SLC71A2: variants seen among roughly 807,000 people sequenced by gnomAD.
SLC71A2 encodes the protein solute carrier family 71 member 2.
the SLC71A2 span, among the ~76,000 whole-genome samples, chr9:94,382,779 C>T: frequency 1.3e-5 from 2 of 152,014 alleles, no homozygotes; most frequent in Non-Finnish European, 2.9e-5. Flanking sequence ...CGGGTTCCAG[C>T]GATTCTCCTG....
the SLC71A2 span, among the ~76,000 whole-genome samples, chr9:94,383,988 T>A: frequency 2.6e-5 from 4 of 152,252 alleles, no homozygotes; most frequent in African/African-American, 9.6e-5. Flanking sequence ...TTTTAAAAAA[T>A]TGTTTAATTG....
the SLC71A2 span, among the ~76,000 whole-genome samples, chr9:94,379,141 C>G: frequency 5.4e-5 from 8 of 147,954 alleles, no homozygotes; most frequent in East Asian, 8.0e-4. Context: ...GGCTGGAGTG[C>G]AATGGTGTGA....
the SLC71A2 span, among the ~76,000 whole-genome samples, chr9:94,421,629 C>T: frequency 6.6e-6 from 1 of 152,088 alleles, no homozygotes; most frequent in African/African-American, 2.4e-5. Context: ...CTTTCATGTT[C>T]CCAAGAGGAC....
the SLC71A2 span, among the ~76,000 whole-genome samples, chr9:94,420,279 G>A: frequency 6.6e-6 from 1 of 152,138 alleles, no homozygotes; most frequent in Non-Finnish European, 1.5e-5. Flanking sequence ...CCATTAACTT[G>A]ACAACACTCC....
At chr9:94,433,502 G>T in the SLC71A2 span, among the ~76,000 whole-genome samples, 1 of 151,144 alleles carries the variant, frequency 6.6e-6, no homozygotes, top group Non-Finnish European at 1.5e-5. Context: ...GAGAAACCCT[G>T]TCTTTACTAA....
chr9:94,392,706 G>A, the SLC71A2 span, among the ~76,000 whole-genome samples: 1 of 152,054 alleles, frequency 6.6e-6, no homozygotes, highest in Middle Eastern at 3.2e-3. Context: ...TCACCATGTT[G>A]GCCAGGATGA....
At chr9:94,439,131 C>T in the SLC71A2 span, among the ~76,000 whole-genome samples, 1 of 146,452 alleles carries the variant, frequency 6.8e-6, no homozygotes, top group African/African-American at 2.5e-5. Context: ...AAGCAATTCT[C>T]CTGCCTCAGC....
chr9:94,375,389 T>A, the SLC71A2 span, among the ~76,000 whole-genome samples: 2 of 151,552 alleles, frequency 1.3e-5, no homozygotes, highest in African/African-American at 4.9e-5. Flanking sequence ...GGAGCAGAGT[T>A]TCCAGGGGCG....
the SLC71A2 span, among the ~76,000 whole-genome samples, chr9:94,437,893 G>C: frequency 1.4e-5 from 2 of 145,652 alleles, no homozygotes; most frequent in Non-Finnish European, 3.0e-5. Flanking sequence ...TTCCCTTTCT[G>C]ATAGAACATT....
chr9:94,401,146 A>T, the SLC71A2 span, among the ~76,000 whole-genome samples: 1 of 151,832 alleles, frequency 6.6e-6, no homozygotes, highest in African/African-American at 2.4e-5. Context: ...GCAATAGAAA[A>T]GAGGACCCTC....
chr9:94,382,447 T>C, the SLC71A2 span, among the ~76,000 whole-genome samples: 1 of 152,080 alleles, frequency 6.6e-6, no homozygotes, highest in East Asian at 1.9e-4. Context: ...TGAGAATTCG[T>C]TACATATTTG....
the SLC71A2 span, chr9:94,451,657 T>C: frequency 8.3e-6 from 4 of 483,528 alleles, no homozygotes; most frequent in Non-Finnish European, 1.1e-5. Flanking sequence ...CACCCCCTGC[T>C]ATGGTAAGGT....
chr9:94,411,448 A>T, the SLC71A2 span, among the ~76,000 whole-genome samples: 8 of 151,630 alleles, frequency 5.3e-5, no homozygotes, highest in Admixed American at 5.3e-4. Flanking sequence ...AGGTGTTATC[A>T]GTTTGATTAT....
At chr9:94,389,033 A>G in the SLC71A2 span, among the ~76,000 whole-genome samples, 4 of 151,800 alleles carry the variant, frequency 2.6e-5, no homozygotes, top group Non-Finnish European at 5.9e-5. Flanking sequence ...ATATATATGC[A>G]CTAGAGGCTA....
At chr9:94,407,719 A>G in the SLC71A2 span, among the ~76,000 whole-genome samples, 1 of 151,520 alleles carries the variant, frequency 6.6e-6, no homozygotes, top group Non-Finnish European at 1.5e-5. Context: ...TTTTTAGAGT[A>G]TGGCAGTACT....
chr9:94,404,410 T>G, the SLC71A2 span, among the ~76,000 whole-genome samples: 1 of 152,066 alleles, frequency 6.6e-6, no homozygotes, highest in Non-Finnish European at 1.5e-5. Context: ...GTTCTTCTGC[T>G]TCAGCCCCCA....
At chr9:94,394,432 A>C in the SLC71A2 span, among the ~76,000 whole-genome samples, 1 of 101,044 alleles carries the variant, frequency 9.9e-6, no homozygotes, top group African/African-American at 2.7e-5. Context: ...TGTTTATGTA[A>C]AAACTTTCAG....
At chr9:94,445,345 A>G in the SLC71A2 span, among the ~76,000 whole-genome samples, 1 of 152,230 alleles carries the variant, frequency 6.6e-6, no homozygotes, top group Non-Finnish European at 1.5e-5. Context: ...TAGTCTTTGT[A>G]TTAAGAAATA....
the SLC71A2 span, chr9:94,438,426 C>T: frequency 6.2e-7 from 1 of 1,614,042 alleles, no homozygotes; most frequent in Non-Finnish European, 8.5e-7. Flanking sequence ...TTGAGTGCCC[C>T]ACTCATTGGT....
Sources: allele counts gnomAD v4.1 joint callset (sites outside exome capture counted in the v4.1 genomes callset), GRCh38; gene constraint gnomAD v4.1.1; transcripts MANE v1.5; gene names NCBI Gene and HGNC (gene_info 2026-07-23, HGNC 2026-07-21).